The following CEP20 variants were observed in gnomAD, a reference collection of about 807,000 sequenced individuals.
CEP20 encodes the protein FGFR1OP N-terminal like.
In CEP20, 18 loss-of-function variants were observed where a neutral mutation model predicts 20.0. That is an observed-to-expected ratio of 0.90 (90% confidence interval 0.62 to 1.34). CEP20 has a LOEUF of 1.34. Ranked by LOEUF, CEP20 falls within the 40% of genes most tolerant of loss-of-function variation. CEP20 has a pLI of 0.00. For synonymous variants in CEP20, 77 were observed against 73.7 expected (o/e 1.04, Z -0.23); for missense variants, 215 against 201.6 (o/e 1.07, Z -0.40).
intron 3 of CEP20, among the ~76,000 whole-genome samples, chr16:15,879,442 G>A (rs2045046302): frequency 6.6e-6 from 1 of 152,138 alleles, no homozygotes; most frequent in Admixed American, 6.5e-5. Context: ...GAGGTCAGGA[G>A]TTCGAGACCA....
At chr16:15,881,542 C>A (rs781128522) in intron 2 of CEP20, among the ~76,000 whole-genome samples, 1 of 152,276 alleles carries the variant, frequency 6.6e-6, no homozygotes, top group South Asian at 2.1e-4. Flanking sequence ...AAATCTACTT[C>A]CTGGCCTCGC....
At chr16:15,872,240 G>C (rs2044838836) in intron 4 of CEP20, among the ~76,000 whole-genome samples, 1 of 151,710 alleles carries the variant, frequency 6.6e-6, no homozygotes, top group South Asian at 2.1e-4. Flanking sequence ...CATGAACCCA[G>C]GAGGCAGAGC....
intron 1 of CEP20, among the ~76,000 whole-genome samples, chr16:15,887,057 G>A (rs768314218): frequency 4.0e-5 from 6 of 151,518 alleles, no homozygotes; most frequent in Non-Finnish European, 7.4e-5. Flanking sequence ...CACTATGCCC[G>A]GCTCTTTTTT....
In CEP20 at chr16:15,867,534, C is replaced by A. The variant is rs186282759; in HGVS notation, c.449-18G>T. On this transcript the variant is annotated intron_variant, in intron 4 of 4. Transcript: ENST00000255759. ...GTGGTCATCTGAAATGCACAGAAAC[C>A]AATGTTAATACTTATCCCAAGTCAA... The A allele has an allele frequency of 2.5e-6, 4 of 1,571,364 alleles. No homozygotes were observed. In the Admixed American group the frequency reaches 5.2e-5, roughly 20 times the overall value.
At chr16:15,876,295 G>T (rs921746949) in intron 3 of CEP20, among the ~76,000 whole-genome samples, 4 of 151,704 alleles carry the variant, frequency 2.6e-5, no homozygotes, top group African/African-American at 9.7e-5. Flanking sequence ...GGCTAACACG[G>T]TGAAACCGTC....
chr16:15,875,007 C>T (rs778838064), intron 3 of CEP20, among the ~76,000 whole-genome samples: 1 of 152,124 alleles, frequency 6.6e-6, no homozygotes, highest in African/African-American at 2.4e-5. Context: ...TCAAGGCTTC[C>T]GACTACAACC....
intron 4 of CEP20, among the ~76,000 whole-genome samples, chr16:15,869,800 G>A (rs570878046): frequency 2.6e-5 from 4 of 152,328 alleles, no homozygotes; most frequent in Admixed American, 2.0e-4. Context: ...GAAAGCTTAA[G>A]TGTGTTACTG....
At chr16:15,884,550 G>A (rs1351784319) in intron 1 of CEP20, among the ~76,000 whole-genome samples, 1 of 152,062 alleles carries the variant, frequency 6.6e-6, no homozygotes, top group African/African-American at 2.4e-5. Context: ...CACCCAGGCT[G>A]GAGTGCAGTG....
In CEP20 at chr16:15,868,931, ATGTAGTCCCAGC is replaced by A. The variant is rs569936341; in HGVS notation, c.449-1427_449-1416del. Among the ~76,000 whole-genome samples the A allele has an allele frequency of 1.4e-3, 213 of 152,078 alleles. 1 individual carries two copies. Among genetic ancestry groups the A allele is most frequent in the African/African-American group, 4.8e-3 (200 of 41,494 alleles). ...TTTACAATAAAAATCTTCGCCAGGA[ATGTAGTCCCAGC>A]TGTAGTCCCAGCTACTTGGGAGGCT... is the stretch of plus-strand genomic sequence containing the variant. On this transcript the variant is annotated intron_variant, in intron 4 of 4. Coordinates refer to ENST00000255759, the MANE Select transcript of CEP20 (RefSeq NM_144600.4).
chr16:15,875,862 G>A (rs1054283108), intron 3 of CEP20, among the ~76,000 whole-genome samples: 2 of 152,150 alleles, frequency 1.3e-5, no homozygotes, highest in Non-Finnish European at 2.9e-5. Context: ...ACTTTGGGAG[G>A]CCAAGGCAGG....
At position 15,888,539 on chromosome 16, in the gene CEP20, C is replaced by T. The variant is rs767367770; in HGVS notation, c.28+19G>A. The T allele has an allele frequency of 8.1e-6, 13 of 1,614,040 alleles. No homozygotes were observed. In the East Asian group the frequency reaches 2.7e-4, roughly 33 times the overall value. On this transcript the variant is annotated intron_variant, in intron 1 of 4. Transcript: ENST00000255759. The stretch of plus-strand genomic sequence containing the variant: ...AGGCCCGACGCTTCCCATGTGGAGG[C>T]CTCCCTGCTCGCACTCACCAGCCTT...
At chr16:15,869,846 C>T (rs1471876279) in intron 4 of CEP20, among the ~76,000 whole-genome samples, 1 of 152,140 alleles carries the variant, frequency 6.6e-6, no homozygotes, top group South Asian at 2.1e-4. Flanking sequence ...ACTTTCAAGG[C>T]ACTACACAAA....
intron 2 of CEP20, among the ~76,000 whole-genome samples, chr16:15,880,830 A>C (rs1340858579): frequency 6.6e-6 from 1 of 151,814 alleles, no homozygotes; most frequent in African/African-American, 2.4e-5. Flanking sequence ...CGTGAACCCT[A>C]TTGTGAACTG....
chr16:15,874,370 GTCAAGA>G (rs2044893356), intron 3 of CEP20, among the ~76,000 whole-genome samples: 1 of 152,066 alleles, frequency 6.6e-6, no homozygotes, highest in African/African-American at 2.4e-5. Flanking sequence ...ATCGTGTAAT[GTCAAGA>G]TCATCAACTG....
rs1009289778 is a variant in CEP20 at position 15,866,043 on chromosome 16, T to C, written c.*1397A>G. ...AACGGAATTCATCAATGTAATCAGA[T>C]ATTGCAGATTTAAAAATGGAAAATG... On this transcript the variant is annotated 3_prime_UTR_variant, in exon 5 of 5. Transcript: ENST00000255759. 3.3e-5 allele frequency: 5 copies of C among 152,194 alleles called. No individual in the cohort carries two copies. Among genetic ancestry groups the C allele is most frequent in the African/African-American group, 1.2e-4 (5 of 41,440 alleles). The allele number at this position is 152,194 out of a possible 1,614,324, so 9.4% of individuals were successfully genotyped here.
At chr16:15,888,103 G>A (rs142948494) in intron 1 of CEP20, among the ~76,000 whole-genome samples, 299 of 151,024 alleles carry the variant, frequency 2.0e-3, no homozygotes, top group Non-Finnish European at 3.5e-3. Flanking sequence ...AGCAAGGAGG[G>A]GAGGGCTACT....
rs1247188102 is a variant in CEP20, at chr16:15,884,694, CG to C, written c.29-490del. Among the ~76,000 whole-genome samples, 3 of 152,072 alleles carry C rather than the reference CG, an allele frequency of 2.0e-5. No homozygotes were observed. In the East Asian group the frequency reaches 5.8e-4, roughly 30 times the overall value. The stretch of plus-strand genomic sequence containing the variant: ...TTCTTTTTTGTATTTTTAGTAGAGA[CG>C]GGGTTTCACTGTGTTGGCCAGGATG... On this transcript the variant is annotated intron_variant, in intron 1 of 4. Coordinates refer to ENST00000255759, the MANE Select transcript of CEP20 (RefSeq NM_144600.4).
At chr16:15,868,607 T>C (rs1007721523) in intron 4 of CEP20, among the ~76,000 whole-genome samples, 1 of 152,124 alleles carries the variant, frequency 6.6e-6, no homozygotes, top group African/African-American at 2.4e-5. Flanking sequence ...TGCTAGAAAA[T>C]GCAATTTTAT....
At chr16:15,882,559 A>C (rs1052974342) in intron 2 of CEP20, among the ~76,000 whole-genome samples, 6 of 146,718 alleles carry the variant, frequency 4.1e-5, no homozygotes, top group Non-Finnish European at 7.5e-5. Context: ...AACATACAAA[A>C]AAACCTCTTC....
Sources: allele counts gnomAD v4.1 joint callset (sites outside exome capture counted in the v4.1 genomes callset), GRCh38; gene constraint gnomAD v4.1.1; transcripts MANE v1.5; gene names NCBI Gene and HGNC (gene_info 2026-07-23, HGNC 2026-07-21).